The following SEMA3A variants were observed in gnomAD, a reference collection of about 807,000 sequenced individuals.
SEMA3A encodes semaphorin-3A.
A neutral mutation model predicts 97.9 loss-of-function variants in SEMA3A; 29 were observed. That is an observed-to-expected ratio of 0.30 (90% CI 0.22 to 0.40). The LOEUF (loss-of-function observed/expected upper bound fraction) is 0.40. SEMA3A is among the 10% of genes least tolerant of loss of function. The probability of loss-of-function intolerance (pLI) is 1.00; values close to 1 mark genes in which losing one functional copy is unlikely to be tolerated. For missense variants in SEMA3A, 763 were observed against 951.3 expected, an observed-to-expected ratio of 0.80 and a Z score of 2.60; for synonymous variants, 321 against 323.7, an observed-to-expected ratio of 0.99 and a Z score of 0.09.
At position 83,961,521 on chromosome 7, in the gene SEMA3A, A is replaced by G. The variant is rs2116246791; in HGVS notation, c.2166T>C (p.Cys722=). ...TTCGGTCCCTTTTCCAAACTTGTTC[A>G]CAGAACTCATCCATTGTGTTGAGAT... is the stretch of plus-strand genomic sequence containing the variant. The part of the protein sequence containing the change: ...HPNLNTMDEF[C]EQVWKRDRKQ... The change falls in exon 17 of 17, where the codon TGT becomes TGC. Residue 722 remains cysteine (C), a synonymous_variant. Transcript: ENST00000265362. 1 of 1,614,018 alleles carries G rather than the reference A, an allele frequency of 6.2e-7. No homozygotes were observed. The highest frequency in any genetic ancestry group is 1.1e-5 in the South Asian group (1 of 91,086).
rs138081872 is a variant in SEMA3A, at chr7:84,013,974, C to T, written c.810+235G>A. 6.5e-3 allele frequency among the ~76,000 whole-genome samples: 992 copies of T among 152,282 alleles called. 7 individuals are homozygous for T. The highest frequency in any genetic ancestry group is 0.01 in the Non-Finnish European group (712 of 68,032). On this transcript the variant is annotated intron_variant, in intron 7 of 16. Transcript: ENST00000265362. ...ACTGTAGAATTTCAAACAAATATTA[C>T]GTAATGTAATTGTGAAATAATGCCA...
chr7:84,387,352 T>C (rs903232662), intron 1 of SEMA3A, among the ~76,000 whole-genome samples: 1 of 152,190 alleles, frequency 6.6e-6, no homozygotes, highest in African/African-American at 2.4e-5. Context: ...TTGGGTTTCC[T>C]AGAATTATTT....
At chr7:84,423,197 G>C (rs1366350748) in intron 1 of SEMA3A, among the ~76,000 whole-genome samples, 1 of 151,702 alleles carries the variant, frequency 6.6e-6, no homozygotes, top group Non-Finnish European at 1.5e-5. Context: ...AGACATGTTT[G>C]TAGTTCTCAT....
chr7:84,060,530 T>G lies in SEMA3A; in HGVS notation c.482A>C (p.His161Pro). 1 of 1,595,620 alleles carries G rather than the reference T, an allele frequency of 6.3e-7. No individual in the cohort carries two copies. Among genetic ancestry groups the G allele is most frequent in the Non-Finnish European group, 8.5e-7 (1 of 1,173,316 alleles). The stretch of plus-strand genomic sequence containing the variant: ...ACTCTTCCCACGGCCGTTTTCAAAA[T>G]GTGAGTTCTCCAGCTTAAAAATATT... Reference protein sequence around the residue: ...EDNIFKLENSHFENGRGKSPY... With the variant: ...EDNIFKLENSPFENGRGKSPY... Residue 161 changes from histidine (H) to proline (P), a missense_variant, in exon 5 of 17, where the codon CAT becomes CCT. Physicochemically the swap from His to Pro is moderately conservative, Grantham distance 77. This residue lies in a region of SEMA3A where 678 missense variants were observed against 881.3 expected (regional missense o/e 0.77). Coordinates refer to ENST00000265362, the MANE Select transcript of SEMA3A (RefSeq NM_006080.3).
chr7:84,051,459 T>A (rs1792649503), intron 5 of SEMA3A, among the ~76,000 whole-genome samples: 1 of 152,180 alleles, frequency 6.6e-6, no homozygotes, highest in Non-Finnish European at 1.5e-5. Context: ...GGTATTTTAT[T>A]CTCTTTGAAG....
intron 1 of SEMA3A, among the ~76,000 whole-genome samples, chr7:84,171,152 T>C (rs73709579): frequency 6.6e-6 from 1 of 152,216 alleles, no homozygotes; most frequent in Admixed American, 6.5e-5. Context: ...GTTATTTCAA[T>C]TAGAGTACAA....
At chr7:84,473,141 G>GGTGTGTGTGTGTGTGTGTGT (rs61623414) in intron 1 of SEMA3A, among the ~76,000 whole-genome samples, 94 of 141,508 alleles carry the variant, frequency 6.6e-4, no homozygotes, top group African/African-American at 2.4e-3. Context: ...AAAAAGAAAT[G>GGTGTGTGTGTGTGTGTGTGT]GTGTGTGTGT....
At chr7:84,388,168 A>C (rs985271578) in intron 1 of SEMA3A, among the ~76,000 whole-genome samples, 3 of 152,134 alleles carry the variant, frequency 2.0e-5, no homozygotes, top group African/African-American at 7.2e-5. Context: ...ATGCCTCTGG[A>C]AAAGTTTCTT....
In SEMA3A at chr7:84,091,288, G is replaced by GAA. The variant is rs1436290362; in HGVS notation, c.453+19180_453+19181dup. 5.3e-3 allele frequency among the ~76,000 whole-genome samples: 559 copies of GAA among 105,872 alleles called. 2 individuals carry two copies. The highest frequency in any genetic ancestry group is 0.016 in the African/African-American group (493 of 31,768). 69.5% of individuals were successfully genotyped at this position (105,872 alleles called of 152,430 possible). ...GAGAAAAAGAAAGAAAAGAAAGAAA[G>GAA]AAAGAAAAAGAAAAAGAAAGGAAGG... On this transcript the variant is annotated intron_variant, in intron 4 of 16. Transcript: ENST00000265362.
At chr7:84,439,830 A>G (rs1209248402) in intron 1 of SEMA3A, among the ~76,000 whole-genome samples, 2 of 152,226 alleles carry the variant, frequency 1.3e-5, no homozygotes, top group Non-Finnish European at 2.9e-5. Context: ...TGGAATACAT[A>G]ATGAATTATT....
At position 84,473,782 on chromosome 7, in the gene SEMA3A, G is replaced by A. The variant is rs1441323468; in HGVS notation, c.-246+18678C>T. Among the ~76,000 whole-genome samples, 2 of 152,136 alleles carry A rather than the reference G, an allele frequency of 1.3e-5. 1 individual carries two copies. The highest frequency in any genetic ancestry group is 1.3e-4 in the Admixed American group (2 of 15,276). The stretch of plus-strand genomic sequence containing the variant: ...CAAAAACATTTTAAATAATGACTAG[G>A]AGCCTCAAAATTATAGAAATAATAC... On this transcript the variant is annotated intron_variant, in intron 1 of 3. Transcript: ENST00000424555.
At chr7:84,021,713 A>G (rs1297588260) in intron 6 of SEMA3A, among the ~76,000 whole-genome samples, 1 of 152,212 alleles carries the variant, frequency 6.6e-6, no homozygotes, top group Admixed American at 6.5e-5. Flanking sequence ...ATCCTGAAAC[A>G]GTGCATAGTT....
intron 2 of SEMA3A, among the ~76,000 whole-genome samples, chr7:84,311,154 A>T (rs1203871925): frequency 6.6e-6 from 1 of 151,960 alleles, no homozygotes. Flanking sequence ...CTTGTTAAAC[A>T]TACTATATTG....
chr7:84,174,927 A>C (rs574533591), intron 1 of SEMA3A, among the ~76,000 whole-genome samples: 1 of 152,354 alleles, frequency 6.6e-6, no homozygotes, highest in East Asian at 1.9e-4. Context: ...CAAATCTAAC[A>C]GCAGTAATTT....
chr7:84,435,000 C>T lies in SEMA3A; in HGVS notation c.-246+57460G>A, dbSNP rs376019727. ...GCTATTTAACATAGTACTGAAAGTT[C>T]TAGCTAGAGCAATCAGGCAAGACAA... On this transcript the variant is annotated intron_variant, in intron 1 of 3. Transcript: ENST00000424555. Among the ~76,000 whole-genome samples the T allele has an allele frequency of 7.0e-4, 106 of 152,230 alleles. 1 individual carries two copies. The highest frequency in any genetic ancestry group is 2.4e-3 in the African/African-American group (98 of 41,520).
chr7:84,118,545 C>A (rs758702547), intron 3 of SEMA3A, among the ~76,000 whole-genome samples: 30 of 152,170 alleles, frequency 2.0e-4, no homozygotes, highest in Non-Finnish European at 3.5e-4. Flanking sequence ...CCTGGGCCTC[C>A]AGGTCCTCTG....
intron 3 of SEMA3A, among the ~76,000 whole-genome samples, chr7:84,257,890 T>C (rs569650668): frequency 3.3e-5 from 5 of 152,310 alleles, no homozygotes; most frequent in African/African-American, 7.2e-5. Context: ...ACCAAAATCA[T>C]ATAATATGAT....
At chr7:84,095,358 C>CACACAT (rs1211794166) in intron 4 of SEMA3A, among the ~76,000 whole-genome samples, 3 of 122,904 alleles carry the variant, frequency 2.4e-5, no homozygotes, top group African/African-American at 1.0e-4. Context: ...TTTTTATATA[C>CACACAT]ATATATATAT....
intron 4 of SEMA3A, among the ~76,000 whole-genome samples, chr7:84,107,881 G>C (rs922353989): frequency 1.3e-5 from 2 of 152,086 alleles, no homozygotes; most frequent in Non-Finnish European, 2.9e-5. Context: ...AGTTAGGAGA[G>C]GTGCAGAATC....
Sources: gnomAD v4.1 joint callset for allele counts (sites outside exome capture counted in the v4.1 genomes callset) on GRCh38, gnomAD v4.1.1 for gene constraint, gnomAD v4.1.1 regional missense constraint, MANE v1.5 for transcripts, NCBI Gene and HGNC (gene_info 2026-07-23, HGNC 2026-07-21) for gene names.